SLC25A38: variants seen among roughly 807,000 people sequenced by gnomAD.
SLC25A38 encodes solute carrier family 25 member 38.
In SLC25A38, 27 loss-of-function variants were observed where a neutral mutation model predicts 33.4. The ratio of observed to expected loss-of-function variants is 0.81; its 90% CI spans 0.60 to 1.11. The LOEUF (loss-of-function observed/expected upper bound fraction) is 1.11. Ranked by LOEUF, SLC25A38 falls within the 50% of genes most tolerant of loss-of-function variation. The pLI is 0.00. For missense variants in SLC25A38, 344 were observed against 388.8 expected, an observed-to-expected ratio of 0.88 and a Z score of 0.97; for synonymous variants, 123 against 145.9, an observed-to-expected ratio of 0.84 and a Z score of 1.13.
At chr3:39,387,390 T>A (rs2041718213) in intron 1 of SLC25A38, among the ~76,000 whole-genome samples, 1 of 152,178 alleles carries the variant, frequency 6.6e-6, no homozygotes, top group Non-Finnish European at 1.5e-5. Flanking sequence ...GTTGGCATAG[T>A]TGAGGCTGGA....
chr3:39,391,869 A>G lies in SLC25A38; in HGVS notation c.473A>G (p.Tyr158Cys), dbSNP rs1559393039. The stretch of plus-strand genomic sequence containing the variant: ...TCTTTGCAGAGTGGGAAATATGGCT[A>G]TGAGAGTATCTACGCTGCCCTGAGG... Reference protein sequence around the residue: ...KTRYESGKYGYESIYAALRSI... With the variant: ...KTRYESGKYGCESIYAALRSI... Residue 158 changes from tyrosine (Y) to cysteine (C), a missense_variant, in exon 5 of 7, where the codon TAT (tyrosine) becomes TGT (cysteine). Physicochemically the swap from Tyr to Cys is radical, Grantham distance 194. Transcript: ENST00000650617. 2 of 1,613,622 alleles carry G rather than the reference A, an allele frequency of 1.2e-6. No individual in the cohort carries two copies. The highest frequency in any genetic ancestry group is 2.2e-5 in the East Asian group (1 of 44,886).
chr3:39,396,979 C>G lies in SLC25A38; in HGVS notation c.*459C>G, dbSNP rs1413460316. 2.9e-4 allele frequency: 75 copies of G among 257,266 alleles called. No individual in the cohort carries two copies. The highest frequency in any genetic ancestry group is 1.3e-4 in the Non-Finnish European group (17 of 129,722). 15.9% of individuals were successfully genotyped at this position (257,266 alleles called of 1,614,324 possible). On this transcript the variant is annotated 3_prime_UTR_variant, in exon 7 of 7. Transcript: ENST00000650617. ...GAGAGGAGTCACTGTCACCAGGTCA[C>G]AGACTGACTGAGGTGATGGTAGGAT...
intron 6 of SLC25A38, among the ~76,000 whole-genome samples, chr3:39,395,284 T>C (rs2041814452): frequency 6.6e-6 from 1 of 152,110 alleles, no homozygotes; most frequent in South Asian, 2.1e-4. Flanking sequence ...ATAAAAAGTA[T>C]AGTAGAGGCT....
chr3:39,396,062 T>C (rs1240574669), intron 6 of SLC25A38, among the ~76,000 whole-genome samples: 3 of 151,812 alleles, frequency 2.0e-5, no homozygotes, highest in Non-Finnish European at 4.4e-5. Context: ...ATACGAAAAT[T>C]AGCCGGGCGT....
At position 39,394,467 on chromosome 3, in the gene SLC25A38, G is replaced by T. The variant is rs755205622; in HGVS notation, c.683G>T (p.Gly228Val). The T allele has an allele frequency of 5.0e-6, 8 of 1,613,798 alleles. No individual in the cohort carries two copies. Among genetic ancestry groups the T allele is most frequent in the African/African-American group, 4.0e-5 (3 of 74,904 alleles). ...ITNFSCGIFA[G>V]ILASLVTQPA... ...AATTTCAGCTGTGGGATATTTGCTG[G>T]TATTCTGGCCTCACTGGTAACTCAA... Residue 228 changes from glycine (G) to valine (V), a missense_variant, in exon 6 of 7, where the codon GGT becomes GTT. Gly to Val is a moderately radical substitution (Grantham distance 109). This residue lies in a region of SLC25A38 where 75 missense variants were observed against 117.0 expected (regional missense o/e 0.64). Transcript: ENST00000650617.
chr3:39,386,007 A>G (rs2041705235), intron 1 of SLC25A38, among the ~76,000 whole-genome samples: 1 of 152,224 alleles, frequency 6.6e-6, no homozygotes, highest in Non-Finnish European at 1.5e-5. Context: ...GATACATGAA[A>G]GGCCCTGCAA....
intron 6 of SLC25A38, among the ~76,000 whole-genome samples, 172 bp from the exon 7 acceptor site, chr3:39,396,226 T>G (rs2041828759): frequency 6.6e-6 from 1 of 151,882 alleles, no homozygotes; most frequent in South Asian, 2.1e-4. Context: ...AAAAAAAATT[T>G]TTTTTAAGTT....
Position 39,394,401 on chromosome 3 carries a change from C to T in SLC25A38, c.626-9C>T. The T allele has an allele frequency of 6.2e-7, 1 of 1,612,374 alleles. No individual in the cohort carries two copies. The highest frequency in any genetic ancestry group is 1.1e-5 in the South Asian group (1 of 91,000). On this transcript the variant is annotated splice_polypyrimidine_tract_variant and intron_variant, in intron 5 of 6. Transcript: ENST00000650617. Reference sequence around the variant, plus strand: ...TCTATGTCCACATGTTACCTTTGTTCTATTTCAGACCAGGTGGATGCAACC... The same window carrying T: ...TCTATGTCCACATGTTACCTTTGTTTTATTTCAGACCAGGTGGATGCAACC...
Position 39,396,382 on chromosome 3 carries a change from T to C in SLC25A38, c.793-16T>C. On this transcript the variant is annotated splice_polypyrimidine_tract_variant and intron_variant, in intron 6 of 6. Coordinates refer to ENST00000650617, the MANE Select transcript of SLC25A38 (RefSeq NM_017875.4). ...CTACTTTGCTTCCAGAGTTCTGACATTTATTTTCACCATAGGACTATGGAC... is the reference window on the plus strand; with the variant it reads ...CTACTTTGCTTCCAGAGTTCTGACACTTATTTTCACCATAGGACTATGGAC... The C allele has an allele frequency of 1.2e-6, 2 of 1,614,114 alleles. No individual in the cohort carries two copies. Among genetic ancestry groups the C allele is most frequent in the Non-Finnish European group, 1.7e-6 (2 of 1,180,016 alleles).
At chr3:39,387,982 G>C (rs140225843) in intron 1 of SLC25A38, 1 of 152,634 alleles carries the variant, frequency 6.6e-6, no homozygotes, top group Non-Finnish European at 1.5e-5. Context: ...GGGGGCCTGC[G>C]GAGGGACTGG....
intron 5 of SLC25A38, among the ~76,000 whole-genome samples, chr3:39,393,988 G>A (rs1216864559): frequency 6.6e-6 from 1 of 152,062 alleles, no homozygotes. Flanking sequence ...ATATCGGGAG[G>A]GTCATGACAT....
Position 39,390,661 on chromosome 3 carries a change from T to C in SLC25A38, c.276+154T>C, listed in dbSNP as rs149088753. On this transcript the variant is annotated intron_variant, in intron 3 of 6. Coordinates refer to ENST00000650617, the MANE Select transcript of SLC25A38 (RefSeq NM_017875.4). ...CTCTCATACTACAACTAACTTCTGT[T>C]TGAAGGCTCAGGGATATGTTGCATT... Among the ~76,000 whole-genome samples the C allele has an allele frequency of 2.0e-5, 3 of 152,328 alleles. No individual in the cohort carries two copies. The East Asian group carries it at 5.8e-4, about 29-fold the overall frequency.
intron 1 of SLC25A38, among the ~76,000 whole-genome samples, chr3:39,384,079 C>T (rs1241842520): frequency 6.6e-6 from 1 of 152,190 alleles, no homozygotes; most frequent in Non-Finnish European, 1.5e-5. Context: ...GGGGAGTGTG[C>T]CCGCGCGGCC....
chr3:39,388,563 G>A (rs975579074), intron 1 of SLC25A38: 3 of 152,196 alleles, frequency 2.0e-5, no homozygotes, highest in Non-Finnish European at 4.4e-5. Context: ...AAAAATAATA[G>A]TGCAAATGCC....
Position 39,396,327 on chromosome 3 carries a change from G to A in SLC25A38, c.793-71G>A, listed in dbSNP as rs574862677. The A allele has an allele frequency of 1.7e-4, 278 of 1,606,930 alleles. 2 individuals are homozygous for A. In the East Asian group the frequency reaches 6.0e-3, roughly 34 times the overall value. ...ACATGGGATAACAGAGACCCTCACT[G>A]TGGTACCAAGTGGATAATTAATTGT... On this transcript the variant is annotated intron_variant, in intron 6 of 6. Transcript: ENST00000650617.
intron 1 of SLC25A38, among the ~76,000 whole-genome samples, chr3:39,386,178 C>CTT (rs369767081): frequency 4.0e-5 from 6 of 151,372 alleles, no homozygotes; most frequent in African/African-American, 1.5e-4. Flanking sequence ...TTTATTCCAT[C>CTT]TTTTTTTTTG....
In SLC25A38 at chr3:39,383,806, C is replaced by A. The variant is rs781488047; in HGVS notation, c.69+13C>A. 6.2e-7 allele frequency: 1 copy of A among 1,613,780 alleles called. No individual in the cohort carries two copies. The highest frequency in any genetic ancestry group is 1.3e-5 in the African/African-American group (1 of 74,926). ...GGAAACGCTTATGGTGAGGGCACTG[C>A]GGGGAAGGAAGGGCAGGGGTCCGAA... On this transcript the variant is annotated intron_variant, in intron 1 of 6. Coordinates refer to ENST00000650617, the MANE Select transcript of SLC25A38 (RefSeq NM_017875.4).
Position 39,396,530 on chromosome 3 carries a change from G to A in SLC25A38, c.*10G>A. 1 of 1,614,024 alleles carries A rather than the reference G, an allele frequency of 6.2e-7. No homozygotes were observed. The highest frequency in any genetic ancestry group is 8.5e-7 in the Non-Finnish European group (1 of 1,179,946). On this transcript the variant is annotated 3_prime_UTR_variant, in exon 7 of 7. Coordinates refer to ENST00000650617, the MANE Select transcript of SLC25A38 (RefSeq NM_017875.4). ...GGGCCTGAAGTCCTGACCAAGAGAG[G>A]ACTGGGAACGGGTGAAATCTGTTGC...
At chr3:39,390,634 A>G in intron 3 of SLC25A38, 127 bp downstream of exon 3, 1 of 911,456 alleles carries the variant, frequency 1.1e-6, no homozygotes, top group Non-Finnish European at 1.8e-6. Context: ...ATGTGGTCTT[A>G]TCTCTCATAC....
Sources: gnomAD v4.1 joint callset for allele counts (sites outside exome capture counted in the v4.1 genomes callset) on GRCh38, gnomAD v4.1.1 for gene constraint, gnomAD v4.1.1 regional missense constraint, MANE v1.5 for transcripts, NCBI Gene and HGNC (gene_info 2026-07-23, HGNC 2026-07-21) for gene names.